Variants in SCN11A observed in about 807,000 individuals in gnomAD.
SCN11A encodes the protein sodium channel protein type 11 subunit alpha.
Under a neutral mutation model 162.2 loss-of-function variants are expected in SCN11A, and 122 were observed. The observed-to-expected ratio is 0.75, with a 90% CI of 0.65 to 0.87. SCN11A has a LOEUF of 0.87. SCN11A is among the 40% of genes least tolerant of loss of function. The probability of loss-of-function intolerance (pLI) is 0.00; values close to 1 mark genes in which losing one functional copy is unlikely to be tolerated. For missense variants in SCN11A, 2,015 were observed against 2,181.6 expected, an observed-to-expected ratio of 0.92 and a Z score of 1.52; for synonymous variants, 758 against 751.5, an observed-to-expected ratio of 1.01 and a Z score of -0.14.
chr3:39,043,381 G>A (rs998880731), intron 1 of SCN11A, among the ~76,000 whole-genome samples: 9 of 151,644 alleles, frequency 5.9e-5, no homozygotes, highest in African/African-American at 1.2e-4. Context: ...TTGTTGCAGC[G>A]CTGTTCACAA....
chr3:38,999,188 C>T lies in SCN11A; in HGVS notation c.-280+33192G>A, dbSNP rs1324217829. Among the ~76,000 whole-genome samples the T allele has an allele frequency of 2.0e-5, 3 of 152,102 alleles. No homozygotes were observed. In the East Asian group the frequency reaches 5.8e-4, roughly 29 times the overall value. The stretch of plus-strand genomic sequence containing the variant: ...AGGTAAGGGAGAGTGTGGATTGAAG[C>T]TTTAGCTTTAAAAGAACTAAAAATT... On this transcript the variant is annotated intron_variant, in intron 2 of 29. Coordinates refer to ENST00000302328, the MANE Select transcript of SCN11A (RefSeq NM_001349253.2).
At chr3:38,976,633 A>G (rs2066851335) in intron 2 of SCN11A, among the ~76,000 whole-genome samples, 1 of 152,218 alleles carries the variant, frequency 6.6e-6, no homozygotes. Context: ...TTCTTGTCCC[A>G]AGTATTTTGG....
At chr3:38,884,740 G>C (rs2065365986) in intron 21 of SCN11A, among the ~76,000 whole-genome samples, 2 of 152,188 alleles carry the variant, frequency 1.3e-5, no homozygotes, top group African/African-American at 4.8e-5. Flanking sequence ...TGTTCCAGAT[G>C]CTCTTCTAAG....
chr3:38,906,798 A>G (rs897777852), intron 14 of SCN11A, among the ~76,000 whole-genome samples: 4 of 152,076 alleles, frequency 2.6e-5, no homozygotes, highest in African/African-American at 9.7e-5. Flanking sequence ...CTTTACCCTT[A>G]GCCCTCATTG....
At chr3:38,903,833 ATG>A in intron 16 of SCN11A, 30 bp downstream of exon 16, 1 of 1,445,674 alleles carries the variant, frequency 6.9e-7, no homozygotes, top group Non-Finnish European at 9.5e-7. Flanking sequence ...AGTATGAAAT[ATG>A]TTTTTTATTT....
chr3:38,963,796 G>A (rs2066763200), intron 2 of SCN11A, among the ~76,000 whole-genome samples: 3 of 151,902 alleles, frequency 2.0e-5, no homozygotes, highest in South Asian at 4.2e-4. Context: ...GGTGATATGT[G>A]TACCAAAATC....
chr3:38,994,660 G>A (rs961542392), intron 2 of SCN11A, among the ~76,000 whole-genome samples: 8 of 152,192 alleles, frequency 5.3e-5, no homozygotes, highest in African/African-American at 1.9e-4. Context: ...GTCCCTTGGA[G>A]TCTGCAGTGT....
intron 17 of SCN11A, among the ~76,000 whole-genome samples, chr3:38,899,494 TTG>T (rs1000069063): frequency 1.1e-4 from 17 of 152,226 alleles, no homozygotes; most frequent in African/African-American, 4.1e-4. Context: ...TCTATAGTCT[TTG>T]CCCCCCTTGG....
Position 38,926,931 on chromosome 3 carries a change from C to T in SCN11A, c.489G>A (p.Glu163=), listed in dbSNP as rs774022892. Residue 163 remains glutamate, a splice_region_variant and synonymous_variant, in exon 8 of 30, where the codon GAG becomes GAA. Coordinates refer to ENST00000302328, the MANE Select transcript of SCN11A (RefSeq NM_001349253.2). ...NSNSNNTDIA[E]CVFTGIYIFE... is the part of the protein sequence containing the mutation. ...AAATATAAATCCCAGTGAAGACACA[C>T]CTAAAAAGCAAATCATTTACAACAG... 11 of 1,610,348 alleles carry T rather than the reference C, an allele frequency of 6.8e-6. No individual in the cohort carries two copies. The highest frequency in any genetic ancestry group is 4.0e-5 in the African/African-American group (3 of 74,622).
intron 20 of SCN11A, 58 bp from the exon 21 acceptor site, chr3:38,885,460 G>A (rs958511306): frequency 3.0e-5 from 27 of 893,358 alleles, no homozygotes; most frequent in Admixed American, 2.5e-4. Flanking sequence ...TTTCACCATA[G>A]TAGTACGGAG....
At chr3:39,005,959 T>G (rs2030961031) in intron 2 of SCN11A, among the ~76,000 whole-genome samples, 1 of 152,350 alleles carries the variant, frequency 6.6e-6, no homozygotes, top group East Asian at 1.9e-4. Flanking sequence ...TTCTAAATCA[T>G]TATTTTTAAG....
chr3:39,036,211 T>G (rs2031902026), intron 1 of SCN11A, among the ~76,000 whole-genome samples: 1 of 152,080 alleles, frequency 6.6e-6, no homozygotes, highest in African/African-American at 2.4e-5. Context: ...TGGCACAATA[T>G]CAGCTCACTG....
chr3:38,937,943 C>T (rs1230882006), intron 7 of SCN11A, among the ~76,000 whole-genome samples: 27 of 152,144 alleles, frequency 1.8e-4, no homozygotes, highest in South Asian at 6.2e-4. Flanking sequence ...ATGTTTATTG[C>T]GGCACTATTC....
intron 2 of SCN11A, among the ~76,000 whole-genome samples, chr3:38,985,006 T>A (rs2030183728): frequency 6.8e-6 from 1 of 147,078 alleles, no homozygotes; most frequent in Admixed American, 6.6e-5. Context: ...GGCTGGATTA[T>A]GTATGGTCAC....
chr3:39,025,931 C>A (rs1329250762), intron 2 of SCN11A: 1 of 152,056 alleles, frequency 6.6e-6, no homozygotes, highest in African/African-American at 2.4e-5. Context: ...ATACCTAATG[C>A]ACTAAGTATT....
intron 1 of SCN11A, among the ~76,000 whole-genome samples, chr3:39,048,937 G>A (rs2032253458): frequency 6.6e-6 from 1 of 152,232 alleles, no homozygotes; most frequent in African/African-American, 2.4e-5. Flanking sequence ...CCAGACATGT[G>A]AGAGAAGGGG....
chr3:38,946,739 T>C (rs2066522306), intron 6 of SCN11A, 50 bp downstream of exon 6: 1 of 1,196,766 alleles, frequency 8.4e-7, no homozygotes, highest in South Asian at 1.3e-5. Flanking sequence ...GTGGGGCACG[T>C]GCACTTTTCA....
At chr3:38,909,797 G>A (rs1375459453) in intron 12 of SCN11A, among the ~76,000 whole-genome samples, 2 of 151,890 alleles carry the variant, frequency 1.3e-5, no homozygotes, top group Non-Finnish European at 2.9e-5. Context: ...TGGCCAGGCT[G>A]GTCTCAAACT....
chr3:38,969,515 AAC>A (rs1369496701), intron 2 of SCN11A, among the ~76,000 whole-genome samples: 2 of 152,128 alleles, frequency 1.3e-5, no homozygotes, highest in Admixed American at 1.3e-4. Context: ...GACAGGAAGA[AAC>A]ACACATGCCT....
Sources: allele counts gnomAD v4.1 joint callset (sites outside exome capture counted in the v4.1 genomes callset), GRCh38; gene constraint gnomAD v4.1.1; transcripts MANE v1.5; gene names NCBI Gene and HGNC (gene_info 2026-07-23, HGNC 2026-07-21).